The following WDR70 variants were observed in gnomAD, a reference collection of about 807,000 sequenced individuals.
WDR70 encodes WD repeat domain 70.
A neutral mutation model predicts 88.6 loss-of-function variants in WDR70; 53 were observed. The ratio of observed to expected loss-of-function variants is 0.60; its 90% CI spans 0.48 to 0.75. The LOEUF (loss-of-function observed/expected upper bound fraction) is 0.75, where lower values mean the gene tolerates loss of function less well. WDR70 is among the 30% of genes least tolerant of loss of function. The pLI, the probability that WDR70 is intolerant of heterozygous loss-of-function variation, is 0.00. For missense variants in WDR70, 610 were observed against 823.2 expected, an observed-to-expected ratio of 0.74 and a Z score of 3.17; for synonymous variants, 280 against 270.0, an observed-to-expected ratio of 1.04 and a Z score of -0.36.
At position 37,474,806 on chromosome 5, in the gene WDR70, C is replaced by T. The variant is rs544800569; in HGVS notation, c.687-5028C>T. ...CCATGTGTTCCCATCATTCAGCTCC[C>T]ACTTATAAGTGAGAACATGCAGCAT... On this transcript the variant is annotated intron_variant, in intron 7 of 17. Transcript: ENST00000265107. 1.1e-4 allele frequency among the ~76,000 whole-genome samples: 17 copies of T among 152,324 alleles called. 1 individual carries two copies. The East Asian group carries it at 3.3e-3, about 29-fold the overall frequency.
rs145843393 is a variant in WDR70, at chr5:37,425,142, C to T, written c.493-12780C>T. Among the ~76,000 whole-genome samples, 890 of 152,192 alleles carry T rather than the reference C, an allele frequency of 5.8e-3. 5 individuals are homozygous for T. The highest frequency in any genetic ancestry group is 0.018 in the African/African-American group (731 of 41,532). On this transcript the variant is annotated intron_variant, in intron 5 of 17. Transcript: ENST00000265107. ...AGGCCTGTGGTCCCAGCCACTCAGG[C>T]GGCTAAGGTGGAAGGATCATCTAAG...
intron 4 of WDR70, 118 bp from the exon 5 acceptor site, chr5:37,396,257 A>G: frequency 7.4e-7 from 1 of 1,351,900 alleles, no homozygotes; most frequent in Non-Finnish European, 9.7e-7. Flanking sequence ...ATTTAAAAAA[A>G]TTAAAAAATA....
intron 10 of WDR70, among the ~76,000 whole-genome samples, chr5:37,656,227 G>T (rs1745551209): frequency 6.6e-6 from 1 of 152,178 alleles, no homozygotes; most frequent in Non-Finnish European, 1.5e-5. Flanking sequence ...GGAGTTTGCT[G>T]GAGGTCCACT....
chr5:37,727,624 G>A (rs1303909931), intron 17 of WDR70, among the ~76,000 whole-genome samples: 1 of 152,056 alleles, frequency 6.6e-6, no homozygotes, highest in African/African-American at 2.4e-5. Context: ...TGCCCATGCT[G>A]GAGTACAGTG....
intron 10 of WDR70, among the ~76,000 whole-genome samples, chr5:37,674,932 G>C (rs2112601794): frequency 6.6e-6 from 1 of 151,634 alleles, no homozygotes; most frequent in Admixed American, 6.6e-5. Flanking sequence ...ATTCTAACTG[G>C]TGTGAGATGG....
chr5:37,620,997 C>T (rs113540153), intron 10 of WDR70, among the ~76,000 whole-genome samples: 39 of 151,852 alleles, frequency 2.6e-4, no homozygotes, highest in Non-Finnish European at 4.0e-4. Context: ...TTGTTTGCCT[C>T]AGGATTTTTG....
chr5:37,613,448 C>A (rs1744243994), intron 10 of WDR70, among the ~76,000 whole-genome samples: 1 of 152,158 alleles, frequency 6.6e-6, no homozygotes. Context: ...CTAGAGAAAG[C>A]TGAAACCTTA....
At chr5:37,571,491 A>G (rs1742904349) in intron 9 of WDR70, among the ~76,000 whole-genome samples, 1 of 152,196 alleles carries the variant, frequency 6.6e-6, no homozygotes, top group Non-Finnish European at 1.5e-5. Flanking sequence ...GGATTATTTT[A>G]AGTCCATGTA....
intron 10 of WDR70, among the ~76,000 whole-genome samples, chr5:37,609,775 A>G (rs188714745): frequency 8.5e-5 from 13 of 152,328 alleles, no homozygotes; most frequent in South Asian, 6.2e-4. Flanking sequence ...TTGGCTGTTC[A>G]GTGCCCCCAT....
intron 8 of WDR70, among the ~76,000 whole-genome samples, chr5:37,495,399 G>A (rs1447599411): frequency 6.6e-6 from 1 of 151,936 alleles, no homozygotes; most frequent in Non-Finnish European, 1.5e-5. Flanking sequence ...TGTCATTGGG[G>A]TAGCCACAAG....
intron 10 of WDR70, among the ~76,000 whole-genome samples, chr5:37,611,704 C>T (rs1256695571): frequency 6.0e-5 from 9 of 150,496 alleles, no homozygotes; most frequent in Admixed American, 2.6e-4. Context: ...TATTTACTGC[C>T]GTCTGCAACT....
chr5:37,709,159 T>C (rs1470811884), intron 13 of WDR70, among the ~76,000 whole-genome samples: 2 of 152,200 alleles, frequency 1.3e-5, no homozygotes, highest in African/African-American at 2.4e-5. Flanking sequence ...TTCTAAAATA[T>C]AGTGAAACCT....
intron 5 of WDR70, among the ~76,000 whole-genome samples, chr5:37,426,783 C>T (rs62360224): frequency 7.2e-6 from 1 of 138,020 alleles, no homozygotes; most frequent in African/African-American, 2.5e-5. Context: ...GCCTTAAAGC[C>T]TAATCTAGGT....
At chr5:37,557,961 T>TGAAAACTCTTCAACCGAGTACTCTGTTG (rs1176435994) in intron 9 of WDR70, among the ~76,000 whole-genome samples, 1 of 148,286 alleles carries the variant, frequency 6.7e-6, no homozygotes, top group Non-Finnish European at 1.5e-5. Flanking sequence ...AAGAGTATTA[T>TGAAAACTCTTCAACCGAGTACTCTGTTG]GTATATTTAT....
intron 7 of WDR70, among the ~76,000 whole-genome samples, chr5:37,446,726 T>G (rs1249666102): frequency 1.3e-5 from 2 of 152,210 alleles, no homozygotes; most frequent in South Asian, 2.1e-4. Context: ...CTGGGAAAAC[T>G]GGCTAGCCAT....
chr5:37,592,419 A>G (rs878979546), intron 9 of WDR70, among the ~76,000 whole-genome samples: 1 of 143,018 alleles, frequency 7.0e-6, no homozygotes, highest in Admixed American at 7.2e-5. Context: ...ATTCATACAT[A>G]AGTACTTAAC....
chr5:37,516,708 T>A, intron 9 of WDR70, 118 bp downstream of exon 9: 1 of 177,190 alleles, frequency 5.6e-6, no homozygotes, highest in Non-Finnish European at 9.5e-6. Flanking sequence ...ATTCTTATTA[T>A]ATACATATAT....
At chr5:37,466,722 A>G (rs1396415073) in intron 7 of WDR70, among the ~76,000 whole-genome samples, 1 of 151,532 alleles carries the variant, frequency 6.6e-6, no homozygotes, top group Non-Finnish European at 1.5e-5. Flanking sequence ...AAAAAAAAAA[A>G]AAAAAAAAAA....
At chr5:37,438,073 T>A in intron 6 of WDR70, 92 bp downstream of exon 6, 2 of 1,062,314 alleles carry the variant, frequency 1.9e-6, no homozygotes, top group Non-Finnish European at 2.7e-6. Flanking sequence ...TAAGGCTAAT[T>A]ATACAATCAA....
Sources: gnomAD v4.1 joint callset for allele counts (sites outside exome capture counted in the v4.1 genomes callset) on GRCh38, gnomAD v4.1.1 for gene constraint, MANE v1.5 for transcripts, NCBI Gene and HGNC (gene_info 2026-07-23, HGNC 2026-07-21) for gene names.